PDE4B: variants seen among roughly 807,000 people sequenced by gnomAD.
PDE4B encodes the protein phosphodiesterase 4B.
PDE4B carries 20 observed loss-of-function variants against 82.2 expected under a neutral mutation model. That is an observed-to-expected ratio of 0.24 (90% confidence interval 0.17 to 0.35). The LOEUF (loss-of-function observed/expected upper bound fraction) is 0.35. Among genes scored for constraint, PDE4B ranks in the 10% least tolerant of loss-of-function variants. The probability of loss-of-function intolerance (pLI) is 1.00; values close to 1 mark genes in which losing one functional copy is unlikely to be tolerated. For synonymous variants in PDE4B, 320 were observed against 318.9 expected, an observed-to-expected ratio of 1.00 and a Z score of -0.04; for missense variants, 655 against 907.2, an observed-to-expected ratio of 0.72 and a Z score of 3.57.
At chr1:66,349,400 A>G (rs2101983763) in intron 8 of PDE4B, among the ~76,000 whole-genome samples, 3 of 152,286 alleles carry the variant, frequency 2.0e-5, no homozygotes. Flanking sequence ...ACTCAATTCT[A>G]ACATGTTTAG....
chr1:66,225,117 TTC>T lies in PDE4B; in HGVS notation c.282-22330_282-22329del, dbSNP rs577884457. Among the ~76,000 whole-genome samples the T allele has an allele frequency of 7.2e-5, 11 of 152,036 alleles. 1 individual carries two copies. In the South Asian group the frequency reaches 2.1e-3, roughly 29 times the overall value. The stretch of plus-strand genomic sequence containing the variant: ...CTCCTCCCTCACCTTGATCATCAAT[TTC>T]TCTCTCTCTCTCAAACATAAAAACA... On this transcript the variant is annotated intron_variant, in intron 3 of 16. Coordinates refer to ENST00000341517, the MANE Select transcript of PDE4B (RefSeq NM_002600.4).
chr1:65,996,329 A>G (rs1651540283), intron 3 of PDE4B, among the ~76,000 whole-genome samples: 1 of 151,302 alleles, frequency 6.6e-6, no homozygotes, highest in Non-Finnish European at 1.5e-5. Context: ...TATCTATATT[A>G]TTTATATATT....
Position 66,164,563 on chromosome 1 carries a change from GAAAGAAAGAAAGAA to G in PDE4B, c.282-82881_282-82868del, listed in dbSNP as rs765943444. Among the ~76,000 whole-genome samples the G allele has an allele frequency of 7.5e-3, 576 of 76,686 alleles. 1 individual carries two copies. The highest frequency in any genetic ancestry group is 0.014 in the South Asian group (33 of 2,342). The allele number at this position is 76,686 out of a possible 152,430, so 50.3% of individuals were successfully genotyped here. On this transcript the variant is annotated intron_variant, in intron 3 of 16. Coordinates refer to ENST00000341517, the MANE Select transcript of PDE4B (RefSeq NM_002600.4). ...AAAAAAAAAAAAAAAAAAAAAAAAAGAAAGAAAGAAAGAAAAAGAAAGAAAGAAAGAAAAGACCA... is the reference window on the plus strand; with the variant it reads ...AAAAAAAAAAAAAAAAAAAAAAAAAGAAAGAAAGAAAGAAAGAAAAGACCA...
At chr1:66,335,425 C>G (rs1660445338) in intron 8 of PDE4B, among the ~76,000 whole-genome samples, 1 of 152,196 alleles carries the variant, frequency 6.6e-6, no homozygotes, top group South Asian at 2.1e-4. Context: ...GAAAAGCAAG[C>G]ATCTTTCATC....
chr1:66,136,291 A>G (rs917607739), intron 3 of PDE4B, among the ~76,000 whole-genome samples: 1 of 152,184 alleles, frequency 6.6e-6, no homozygotes, highest in Non-Finnish European at 1.5e-5. Context: ...ACCAAAACCA[A>G]AGTAGAATGA....
chr1:66,063,746 C>CT (rs1479023306), intron 3 of PDE4B, among the ~76,000 whole-genome samples: 1 of 151,792 alleles, frequency 6.6e-6, no homozygotes, highest in South Asian at 2.1e-4. Flanking sequence ...AAAATAGTTT[C>CT]TTTTTTTCCT....
At chr1:65,854,718 A>C (rs1045940146) in intron 1 of PDE4B, among the ~76,000 whole-genome samples, 1 of 151,986 alleles carries the variant, frequency 6.6e-6, no homozygotes, top group Non-Finnish European at 1.5e-5. Flanking sequence ...AGTTTGCTGA[A>C]ATTCTTGCAA....
intron 3 of PDE4B, among the ~76,000 whole-genome samples, chr1:65,944,903 G>T (rs1216568412): frequency 1.3e-5 from 2 of 151,836 alleles, no homozygotes; most frequent in African/African-American, 4.8e-5. Context: ...GCTGCTACCT[G>T]GTCACTTTGG....
At chr1:65,955,157 T>C (rs1339359302) in intron 3 of PDE4B, among the ~76,000 whole-genome samples, 1 of 152,076 alleles carries the variant, frequency 6.6e-6, no homozygotes, top group Non-Finnish European at 1.5e-5. Context: ...AGTAAATACT[T>C]TGTCTTTTCT....
chr1:66,075,890 T>TAAACAAAACA (rs755561830), intron 3 of PDE4B, among the ~76,000 whole-genome samples: 1,172 of 92,900 alleles, frequency 0.013, 11 homozygotes, highest in Non-Finnish European at 0.017. Flanking sequence ...CATTCACATT[T>TAAACAAAACA]AAACAAAACA....
chr1:65,886,366 T>G (rs1646776857), intron 1 of PDE4B, among the ~76,000 whole-genome samples: 1 of 152,180 alleles, frequency 6.6e-6, no homozygotes, highest in African/African-American at 2.4e-5. Context: ...ATATGTATTA[T>G]TTCTATGTAT....
At chr1:65,819,721 G>C (rs917915273) in intron 1 of PDE4B, among the ~76,000 whole-genome samples, 2 of 151,896 alleles carry the variant, frequency 1.3e-5, no homozygotes, top group African/African-American at 4.8e-5. Context: ...GGATGGTCTC[G>C]ATCTCCTGAC....
chr1:65,870,526 T>C (rs1277809490), intron 1 of PDE4B, among the ~76,000 whole-genome samples: 1 of 152,168 alleles, frequency 6.6e-6, no homozygotes, highest in Non-Finnish European at 1.5e-5. Context: ...AAAAATGAGA[T>C]AAAAACAAAC....
intron 1 of PDE4B, among the ~76,000 whole-genome samples, chr1:65,855,817 A>T (rs1305832425): frequency 2.6e-5 from 4 of 151,802 alleles, no homozygotes; most frequent in Non-Finnish European, 5.9e-5. Context: ...CTTGGGATCT[A>T]TTTTCCCTCT....
chr1:66,038,126 A>T (rs1654164969), intron 3 of PDE4B, among the ~76,000 whole-genome samples: 1 of 152,124 alleles, frequency 6.6e-6, no homozygotes, highest in Non-Finnish European at 1.5e-5. Context: ...TAATTACAGC[A>T]AAATGTGTGC....
At chr1:66,032,939 C>T (rs1653870180) in intron 3 of PDE4B, among the ~76,000 whole-genome samples, 1 of 152,184 alleles carries the variant, frequency 6.6e-6, no homozygotes, top group Admixed American at 6.5e-5. Context: ...CAGGCGTGAG[C>T]CACCACGCCC....
At chr1:65,947,165 T>C (rs1474263829) in intron 3 of PDE4B, among the ~76,000 whole-genome samples, 3 of 152,072 alleles carry the variant, frequency 2.0e-5, no homozygotes, top group Non-Finnish European at 2.9e-5. Context: ...GACAATGTTA[T>C]GACAAAGAGC....
At chr1:66,307,002 A>C (rs1658329037) in intron 7 of PDE4B, among the ~76,000 whole-genome samples, 1 of 152,114 alleles carries the variant, frequency 6.6e-6, no homozygotes, top group Admixed American at 6.6e-5. Flanking sequence ...TGGTAGCCGA[A>C]ATAGACGTAG....
At chr1:66,052,626 C>T (rs1334324761) in intron 3 of PDE4B, among the ~76,000 whole-genome samples, 1 of 150,128 alleles carries the variant, frequency 6.7e-6, no homozygotes, top group East Asian at 2.0e-4. Context: ...TTTGCTTCCT[C>T]ATGTTCGTAA....
Sources: allele counts gnomAD v4.1 joint callset (sites outside exome capture counted in the v4.1 genomes callset), GRCh38; gene constraint gnomAD v4.1.1; transcripts MANE v1.5; gene names NCBI Gene and HGNC (gene_info 2026-07-23, HGNC 2026-07-21).